SHC2: variants seen among roughly 807,000 people sequenced by gnomAD.
SHC2 encodes the protein SHC adaptor protein 2.
Under a neutral mutation model 60.6 loss-of-function variants are expected in SHC2, and 62 were observed. The ratio of observed to expected loss-of-function variants is 1.02; its 90% CI spans 0.83 to 1.26. SHC2 has a LOEUF of 1.26. SHC2 is among the 50% of genes most tolerant of loss of function. The pLI is 0.00. For missense variants in SHC2, 873 were observed against 822.2 expected (o/e 1.06, Z -0.76); for synonymous variants, 375 against 372.4 (o/e 1.01, Z -0.08).
intron 9 of SHC2, among the ~76,000 whole-genome samples, chr19:429,673 G>A (rs1159163552): frequency 7.0e-6 from 1 of 142,454 alleles, no homozygotes; most frequent in Non-Finnish European, 1.5e-5. Flanking sequence ...ATACCGTGTG[G>A]ATGACGCAGT....
chr19:422,998 G>A lies in SHC2; in HGVS notation c.1310-542C>T, dbSNP rs1974321299. On this transcript the variant is annotated intron_variant, in intron 10 of 12. Coordinates refer to ENST00000264554, the MANE Select transcript of SHC2 (RefSeq NM_012435.3). This position sits in a 1 kb window ranked among gnomAD's most constrained non-coding sequence, Gnocchi z 5.0. ...GTCCCCTCATTGTCAAACAGGGGTG[G>A]GCGTGTCCCCAGGCAGAAAGCAGCA... Among the ~76,000 whole-genome samples, 1 of 152,158 alleles carries A rather than the reference G, an allele frequency of 6.6e-6. No individual in the cohort carries two copies. The highest frequency in any genetic ancestry group is 2.1e-4 in the South Asian group (1 of 4,832).
At chr19:439,958 A>G (rs766329258) in intron 2 of SHC2, among the ~76,000 whole-genome samples, 1 of 150,534 alleles carries the variant, frequency 6.6e-6, no homozygotes. Flanking sequence ...CCCAGGAGAC[A>G]GAGGTTGCAG....
In SHC2 at chr19:436,414, C is replaced by G. The variant is rs771625056; in HGVS notation, c.792G>C (p.Val264=). 1 of 1,596,796 alleles carries G rather than the reference C, an allele frequency of 6.3e-7. No homozygotes were observed. Among genetic ancestry groups the G allele is most frequent in the African/African-American group, 1.3e-5 (1 of 74,278 alleles). ...TGATGGGGTCCTTGGCGACGTAGGC[C>G]ACGTAATCCGTCATGTCCTGGGGGC... ...SGGDTDMTDY[V]AYVAKDPINQ... Residue 264 remains valine (V), a synonymous_variant, in exon 6 of 13, where the codon GTG becomes GTC. Transcript: ENST00000264554.
intron 12 of SHC2, among the ~76,000 whole-genome samples, chr19:417,729 C>T (rs147070237): frequency 2.1e-4 from 32 of 152,262 alleles, no homozygotes; most frequent in Admixed American, 7.8e-4. Context: ...CACAGGAGCC[C>T]GTGTGCCACA....
chr19:424,946 C>T lies in SHC2; in HGVS notation c.1309+151G>A, dbSNP rs1974371633. The T allele has an allele frequency of 1.2e-6, 1 of 846,010 alleles. No individual in the cohort carries two copies. The highest frequency in any genetic ancestry group is 3.4e-5 in the Admixed American group (1 of 29,740). The allele number at this position is 846,010 out of a possible 1,614,324, so 52.4% of individuals were successfully genotyped here. On this transcript the variant is annotated intron_variant, in intron 10 of 12. Coordinates refer to ENST00000264554, the MANE Select transcript of SHC2 (RefSeq NM_012435.3). This position sits in a 1 kb window ranked among gnomAD's most constrained non-coding sequence, Gnocchi z 4.5. ...CAGGAGACAGACTGGGCTTCCCCGT[C>T]CCACCCGTCGACTTGAAGGATCTCA...
rs758347724 is a variant in SHC2, at chr19:436,229, C to T, written c.889G>A (p.Ala297Thr). The T allele has an allele frequency of 6.2e-7, 1 of 1,602,172 alleles. No individual in the cohort carries two copies. Among genetic ancestry groups the T allele is most frequent in the Non-Finnish European group, 8.5e-7 (1 of 1,175,052 alleles). ...AQSIISTVGQ[A>T]FELRFKQYLH... ...TACTGCTTGAAGCGCAGCTCGAAAG[C>T]TTGGCCCACGGTGCTGATGATGCTC... is the stretch of plus-strand genomic sequence containing the variant. The change falls in exon 7 of 13, where the codon GCT becomes ACT. Residue 297 changes from alanine (A) to threonine (T), a missense_variant. Physicochemically the swap from Ala to Thr is moderately conservative, Grantham distance 58. Coordinates refer to ENST00000264554, the MANE Select transcript of SHC2 (RefSeq NM_012435.3).
intron 12 of SHC2, 82 bp downstream of exon 12, chr19:418,841 G>A (rs376468720): frequency 1.8e-5 from 26 of 1,468,984 alleles, no homozygotes; most frequent in African/African-American, 1.7e-4. Flanking sequence ...GGCACGGCAC[G>A]TGAACCGGGT....
intron 1 of SHC2, among the ~76,000 whole-genome samples, chr19:451,603 TTTTG>T (rs933020793): frequency 6.6e-6 from 1 of 152,162 alleles, no homozygotes; most frequent in African/African-American, 2.4e-5. Context: ...TTTTGGCATT[TTTTG>T]TTTGTTTTGA....
At chr19:427,736 A>C (rs1600280957) in intron 9 of SHC2, among the ~76,000 whole-genome samples, 1 of 67,452 alleles carries the variant, frequency 1.5e-5, no homozygotes, top group Non-Finnish European at 2.7e-5. Flanking sequence ...GGGAAGGGGG[A>C]ACTGCACACG....
rs141691462 is a variant in SHC2 at position 457,685 on chromosome 19, C to T, written c.468+2844G>A. ...TGCAGTGACGGAAAGCAGCAGTTATCCCCCAACATCCGGAGCCCCAACAAC... is the reference window on the plus strand; with the variant it reads ...TGCAGTGACGGAAAGCAGCAGTTATTCCCCAACATCCGGAGCCCCAACAAC... On this transcript the variant is annotated intron_variant, in intron 1 of 12. Coordinates refer to ENST00000264554, the MANE Select transcript of SHC2 (RefSeq NM_012435.3). 2.5e-3 allele frequency among the ~76,000 whole-genome samples: 386 copies of T among 152,292 alleles called. 5 individuals are homozygous for T. The highest frequency in any genetic ancestry group is 9.0e-3 in the African/African-American group (376 of 41,568).
intron 9 of SHC2, among the ~76,000 whole-genome samples, chr19:426,211 C>A (rs1974411568): frequency 6.6e-6 from 1 of 152,164 alleles, no homozygotes; most frequent in Admixed American, 6.5e-5. Context: ...GCTGCACTAG[C>A]CCTTGCTGGG....
In SHC2 at chr19:423,131, G is replaced by C. The variant is rs976772526; in HGVS notation, c.1310-675C>G. ...GCTCCTGGTCCTGGGGGGTCCTCCC[G>C]CCCTGACCCTCACTCCCTGGTCTCC... On this transcript the variant is annotated intron_variant, in intron 10 of 12. Coordinates refer to ENST00000264554, the MANE Select transcript of SHC2 (RefSeq NM_012435.3). 1.9e-3 allele frequency among the ~76,000 whole-genome samples: 277 copies of C among 148,782 alleles called. 1 individual carries two copies. The highest frequency in any genetic ancestry group is 6.6e-3 in the African/African-American group (265 of 40,186).
At chr19:418,325 A>G (rs1308796342) in intron 12 of SHC2, among the ~76,000 whole-genome samples, 1 of 152,214 alleles carries the variant, frequency 6.6e-6, no homozygotes, top group Non-Finnish European at 1.5e-5. Context: ...GACGCCCACC[A>G]CAGCCGACCG....
rs140653128 is a variant in SHC2 at position 452,617 on chromosome 19, G to A, written c.468+7912C>T. Among the ~76,000 whole-genome samples the A allele has an allele frequency of 2.2e-4, 34 of 152,274 alleles. No individual in the cohort carries two copies. In the East Asian group the frequency reaches 6.6e-3, roughly 29 times the overall value. The stretch of plus-strand genomic sequence containing the variant: ...TCCGTTTCACTGCGGTTGGGGCATC[G>A]TACTGACTTGGAGTTCCTGCGTAGG... On this transcript the variant is annotated intron_variant, in intron 1 of 12. Coordinates refer to ENST00000264554, the MANE Select transcript of SHC2 (RefSeq NM_012435.3).
At chr19:426,976 TG>T (rs1974432261) in intron 9 of SHC2, among the ~76,000 whole-genome samples, 1 of 152,032 alleles carries the variant, frequency 6.6e-6, no homozygotes, top group Non-Finnish European at 1.5e-5. Context: ...GGGAAGGGCA[TG>T]AGTGCAAGTG....
intron 8 of SHC2, among the ~76,000 whole-genome samples, chr19:433,373 T>A (rs369555780): frequency 1.3e-3 from 10 of 7,590 alleles, no homozygotes; most frequent in African/African-American, 2.1e-3. Context: ...TGAGTGAGAG[T>A]TAGAGGAGGC....
chr19:446,289 G>T lies in SHC2; in HGVS notation c.469-5357C>A, dbSNP rs949563817. Among the ~76,000 whole-genome samples, 1 of 152,058 alleles carries T rather than the reference G, an allele frequency of 6.6e-6. No individual in the cohort carries two copies. The highest frequency in any genetic ancestry group is 2.4e-5 in the African/African-American group (1 of 41,416). On this transcript the variant is annotated intron_variant, in intron 1 of 12. Transcript: ENST00000264554. This position sits in a 1 kb window ranked among gnomAD's most constrained non-coding sequence, Gnocchi z 5.4. ...AGAACAAGTCTATGTTTGTGTGTGT[G>T]TGTGTTTTGTTTTGTTTTTGGGGTT...
intron 9 of SHC2, among the ~76,000 whole-genome samples, chr19:427,303 T>A (rs190050864): frequency 3.9e-5 from 6 of 152,276 alleles, no homozygotes; most frequent in Admixed American, 3.9e-4. Flanking sequence ...GCACCGCCGG[T>A]AACGTGATTA....
rs770158533 is a variant in SHC2, at chr19:440,831, C to T, written c.539+31G>A. ...CCGCCCTCCAGTGCGTCACTCAGCC[C>T]TACGCGGCCAGGGCAGGGTTGGAGG... On this transcript the variant is annotated intron_variant, in intron 2 of 12. Coordinates refer to ENST00000264554, the MANE Select transcript of SHC2 (RefSeq NM_012435.3). The surrounding 1 kb of genome is among the most constrained non-coding windows in gnomAD (Gnocchi z 7.0). 1.9e-6 allele frequency: 3 copies of T among 1,597,974 alleles called. No individual in the cohort carries two copies. The highest frequency in any genetic ancestry group is 2.7e-5 in the African/African-American group (2 of 74,566).
Sources: gnomAD v4.1 joint callset for allele counts (sites outside exome capture counted in the v4.1 genomes callset) on GRCh38, gnomAD v4.1.1 for gene constraint, Gnocchi (gnomAD v3.1) non-coding constraint, MANE v1.5 for transcripts, NCBI Gene and HGNC (gene_info 2026-07-23, HGNC 2026-07-21) for gene names.